Variants in PAPLN observed in about 807,000 individuals in gnomAD.
The protein encoded by PAPLN is papilin.
In PAPLN, 146 loss-of-function variants were observed where a neutral mutation model predicts 159.0. That is an observed-to-expected ratio of 0.92 (90% CI 0.80 to 1.05). The LOEUF (loss-of-function observed/expected upper bound fraction) is 1.05, where lower values mean the gene tolerates loss of function less well. Ranked by LOEUF, PAPLN falls within the 50% of genes least tolerant of loss-of-function variation. The pLI is 0.00. For missense variants in PAPLN, 1,720 were observed against 1,743.9 expected, an observed-to-expected ratio of 0.99 and a Z score of 0.24; for synonymous variants, 734 against 702.9, an observed-to-expected ratio of 1.04 and a Z score of -0.70.
chr14:73,261,035 C>G, intron 17 of PAPLN, 121 bp from the exon 18 acceptor site: 1 of 1,529,834 alleles, frequency 6.5e-7, no homozygotes, highest in Non-Finnish European at 8.9e-7. Context: ...CTCCTGGCCT[C>G]TGGTCTCCCC....
intron 11 of PAPLN, 41 bp from the exon 12 acceptor site, chr14:73,253,713 A>G (rs1885569569): frequency 6.5e-7 from 1 of 1,534,630 alleles, no homozygotes; most frequent in African/African-American, 1.4e-5. Context: ...GTTTCTGCCC[A>G]TGCTCCTGGG....
In PAPLN at chr14:73,258,872, G is replaced by A. The variant is rs564433154; in HGVS notation, c.1628-107G>A. 4.5e-4 allele frequency: 486 copies of A among 1,070,806 alleles called. 1 individual carries two copies. In the African/African-American group the frequency reaches 7.0e-3, roughly 15 times the overall value. The allele number at this position is 1,070,806 out of a possible 1,614,324, so 66.3% of individuals were successfully genotyped here. A position where few individuals can be genotyped will look rare whatever the true frequency, so the allele number is the denominator to read the frequency against. ...GGGCTGTCTCGGGTTCCCAGGCCCT[G>A]CCTGGGCAGTGGGGTAGAAGCCAGT... On this transcript the variant is annotated intron_variant, in intron 14 of 26. Transcript: ENST00000644200.
intron 5 of PAPLN, among the ~76,000 whole-genome samples, chr14:73,247,639 A>C (rs1469477110): frequency 9.2e-6 from 1 of 108,846 alleles, no homozygotes; most frequent in Admixed American, 1.2e-4. Flanking sequence ...GCCCAGTGGG[A>C]GTCTCTTATC....
chr14:73,264,536 C>G, intron 21 of PAPLN, 52 bp from the exon 22 acceptor site: 1 of 1,561,734 alleles, frequency 6.4e-7, no homozygotes, highest in Non-Finnish European at 8.6e-7. Flanking sequence ...GCCCTTCCTT[C>G]CACTCCCTTT....
chr14:73,257,411 G>GT lies in PAPLN; in HGVS notation c.1628-1568_1628-1567insT, dbSNP rs958272556. 7.1e-3 allele frequency among the ~76,000 whole-genome samples: 28 copies of GT among 3,920 alleles called. No homozygotes were observed. In the African/African-American group the frequency reaches 0.085, roughly 12 times the overall value. 2.6% of individuals were successfully genotyped at this position (3,920 alleles called of 152,430 possible). On this transcript the variant is annotated intron_variant, in intron 14 of 26. Transcript: ENST00000644200. ...AACTTTCACTATGGGCATTATTTCAGGGGGGGTCCTACAGGTTTTCTCTTA... is the reference window on the plus strand; with the variant it reads ...AACTTTCACTATGGGCATTATTTCAGTGGGGGGTCCTACAGGTTTTCTCTTA...
At chr14:73,272,423 AAATGGCAGGTGAG>A in intron 26 of PAPLN, 59 bp from the exon 27 acceptor site, 1 of 1,361,430 alleles carries the variant, frequency 7.3e-7, no homozygotes, top group Admixed American at 2.4e-5. Context: ...GAAGGAAATG[AAATGGCAGGTGAG>A]AATTTTCAGC....
In PAPLN at chr14:73,245,495, C is replaced by T. The variant is rs1884125696; in HGVS notation, c.171-141C>T. On this transcript the variant is annotated intron_variant, in intron 3 of 26. Transcript: ENST00000644200. The surrounding 1 kb of genome is among the most constrained non-coding windows in gnomAD (Gnocchi z 4.2). ...CGCTCACTCCCACCTGGGGGATTTACGGGGTGGGGTCGGGGGACACCCTCT... is the reference window on the plus strand; with the variant it reads ...CGCTCACTCCCACCTGGGGGATTTATGGGGTGGGGTCGGGGGACACCCTCT... The T allele has an allele frequency of 3.4e-6, 3 of 877,506 alleles. No individual in the cohort carries two copies. The highest frequency in any genetic ancestry group is 1.7e-5 in the African/African-American group (1 of 59,092). The allele number at this position is 877,506 out of a possible 1,614,324, so 54.4% of individuals were successfully genotyped here.
chr14:73,265,320 G>A lies in PAPLN; in HGVS notation c.3126-50G>A, dbSNP rs771237134. Reference sequence around the variant, plus strand: ...TGTGCAGAGGTGCCCATGGGAGTAGGCGGGGGCAACGGCAAGGGCCCCTCA... The same window carrying A: ...TGTGCAGAGGTGCCCATGGGAGTAGACGGGGGCAACGGCAAGGGCCCCTCA... On this transcript the variant is annotated intron_variant, in intron 22 of 26. Coordinates refer to ENST00000644200, the MANE Select transcript of PAPLN (RefSeq NM_001365906.3). The surrounding 1 kb of genome is among the most constrained non-coding windows in gnomAD (Gnocchi z 4.1). 6.3e-7 allele frequency: 1 copy of A among 1,587,310 alleles called. No homozygotes were observed. The highest frequency in any genetic ancestry group is 2.2e-5 in the East Asian group (1 of 44,684).
Position 73,273,768 on chromosome 14 carries a change from C to G in PAPLN, c.*1104C>G, listed in dbSNP as rs1199096884. The G allele has an allele frequency of 6.6e-6, 1 of 152,250 alleles. No homozygotes were observed. The highest frequency in any genetic ancestry group is 1.5e-5 in the Non-Finnish European group (1 of 68,068). The allele number at this position is 152,250 out of a possible 1,614,324, so 9.4% of individuals were successfully genotyped here. On this transcript the variant is annotated 3_prime_UTR_variant, in exon 27 of 27. Transcript: ENST00000644200. Reference sequence around the variant, plus strand: ...GATGGTTCATTGCTCTAGTCTCTCTCACCCTTCTAGGCAGTGCATCAGTCA... The same window carrying G: ...GATGGTTCATTGCTCTAGTCTCTCTGACCCTTCTAGGCAGTGCATCAGTCA...
chr14:73,241,035 G>A (rs1405602927), intron 2 of PAPLN, among the ~76,000 whole-genome samples: 2 of 152,072 alleles, frequency 1.3e-5, no homozygotes, highest in Non-Finnish European at 2.9e-5. Context: ...GCCACGTCTG[G>A]CATCTGTGGG....
rs1317818792 is a variant in PAPLN at position 73,252,132 on chromosome 14, T to C, written c.958T>C (p.Cys320Arg). 1.9e-6 allele frequency: 3 copies of C among 1,604,042 alleles called. No individual in the cohort carries two copies. The highest frequency in any genetic ancestry group is 2.7e-5 in the African/African-American group (2 of 74,672). Residue 320 changes from cysteine (C) to arginine (R), a missense_variant, in exon 10 of 27, where the codon TGT becomes CGT. Transcript: ENST00000644200. The stretch of plus-strand genomic sequence containing the variant: ...CTCATGGAGTGACTGCAGCGCGGAG[T>C]GTGGCGGAGGTGCGGGCGTGGATGG... The part of the protein sequence containing the change: ...HGSWSDCSAE[C>R]GGGHQSRLVF...
chr14:73,250,283 GCCCTATGGC>G (rs1381237418), intron 6 of PAPLN, among the ~76,000 whole-genome samples, 169 bp downstream of exon 6: 1 of 152,226 alleles, frequency 6.6e-6, no homozygotes, highest in African/African-American at 2.4e-5. Flanking sequence ...CATCACAGAT[GCCCTATGGC>G]CCCTCACCTT....
chr14:73,238,481 T>C (rs1172426508), intron 1 of PAPLN, among the ~76,000 whole-genome samples: 2 of 152,378 alleles, frequency 1.3e-5, no homozygotes, highest in South Asian at 2.1e-4. Context: ...ATGGCAGATA[T>C]GGGCTTGGAG....
chr14:73,256,827 G>C (rs1262664539), intron 14 of PAPLN, among the ~76,000 whole-genome samples: 12 of 152,048 alleles, frequency 7.9e-5, no homozygotes, highest in Admixed American at 7.2e-4. Context: ...AGGTTGCAGT[G>C]AGCTGAGATC....
chr14:73,264,250 C>G lies in PAPLN; in HGVS notation c.2901C>G (p.Pro967=), dbSNP rs139811752. ...LQFDGSLIIH[P]LQAEDAGTYS... is the part of the protein sequence containing the mutation. ...TCGACGGATCCCTGATCATCCACCC[C>G]CTGCAGGCAGAGGACGCGGGCACCT... The change falls in exon 21 of 27, where the codon CCC becomes CCG. Residue 967 remains proline, a synonymous_variant. Transcript: ENST00000644200. 6.2e-5 allele frequency: 100 copies of G among 1,613,894 alleles called. No homozygotes were observed. The highest frequency in any genetic ancestry group is 1.6e-4 in the Middle Eastern group (1 of 6,084).
At position 73,268,327 on chromosome 14, in the gene PAPLN, C is replaced by T. The variant is rs1887415366; in HGVS notation, c.3501-230C>T. On this transcript the variant is annotated intron_variant, in intron 25 of 26. Transcript: ENST00000644200. The stretch of plus-strand genomic sequence containing the variant: ...CCAAATTTGAAATAGCAGAAAACAA[C>T]CTCGCCATTCACCCCAGCCTTGGAT... 8.7e-6 allele frequency: 4 copies of T among 461,688 alleles called. No individual in the cohort carries two copies. The East Asian group carries it at 1.1e-4, about 12-fold the overall frequency. The allele number at this position is 461,688 out of a possible 1,614,324, so 28.6% of individuals were successfully genotyped here. A position where few individuals can be genotyped will look rare whatever the true frequency, so the allele number is the denominator to read the frequency against.
Position 73,266,841 on chromosome 14 carries a change from C to G in PAPLN, c.3500+10C>G. ...ACATCAGGTGGTCCAGGTAAAGGCT[C>G]TATTCCAAGTTGTCCCTGTCCCCAG... is the stretch of plus-strand genomic sequence containing the variant. On this transcript the variant is annotated intron_variant, in intron 25 of 26. Coordinates refer to ENST00000644200, the MANE Select transcript of PAPLN (RefSeq NM_001365906.3). 6.2e-7 allele frequency: 1 copy of G among 1,602,474 alleles called. No homozygotes were observed. Among genetic ancestry groups the G allele is most frequent in the Non-Finnish European group, 8.5e-7 (1 of 1,174,118 alleles).
chr14:73,249,181 G>C (rs551578071), intron 5 of PAPLN, among the ~76,000 whole-genome samples: 3 of 152,042 alleles, frequency 2.0e-5, no homozygotes, highest in Non-Finnish European at 4.4e-5. Flanking sequence ...CCTTTCACAA[G>C]ATCACTGTTA....
intron 16 of PAPLN, 52 bp from the exon 17 acceptor site, chr14:73,260,657 A>C: frequency 7.2e-7 from 1 of 1,390,058 alleles, no homozygotes; most frequent in Non-Finnish European, 9.4e-7. Flanking sequence ...CCTGGGATGC[A>C]GGGAGCGTGG....
Sources: gnomAD v4.1 joint callset for allele counts (sites outside exome capture counted in the v4.1 genomes callset) on GRCh38, gnomAD v4.1.1 for gene constraint, Gnocchi (gnomAD v3.1) non-coding constraint, MANE v1.5 for transcripts, NCBI Gene and HGNC (gene_info 2026-07-23, HGNC 2026-07-21) for gene names.